The following SRGAP3 variants were observed in gnomAD, a reference collection of about 807,000 sequenced individuals.
SRGAP3 encodes SLIT-ROBO Rho GTPase activating protein 3.
SRGAP3 carries 39 observed loss-of-function variants against 121.1 expected under a neutral mutation model. The observed-to-expected ratio is 0.32, with a 90% CI of 0.25 to 0.42. The LOEUF (loss-of-function observed/expected upper bound fraction) is 0.42, where lower values mean the gene tolerates loss of function less well. Among genes scored for constraint, SRGAP3 ranks in the 10% least tolerant of loss-of-function variants. SRGAP3 has a pLI of 1.00. For missense variants in SRGAP3, 1,213 were observed against 1,470.6 expected, an observed-to-expected ratio of 0.82 and a Z score of 2.86; for synonymous variants, 601 against 570.0, an observed-to-expected ratio of 1.05 and a Z score of -0.77.
intron 1 of SRGAP3, among the ~76,000 whole-genome samples, chr3:9,137,756 G>C (rs1024247959): frequency 6.6e-6 from 1 of 152,208 alleles, no homozygotes; most frequent in Non-Finnish European, 1.5e-5. Flanking sequence ...GGGAGGGAGA[G>C]AGGGTTTTCC....
intron 1 of SRGAP3, chr3:9,348,415 G>A: frequency 1.7e-6 from 1 of 596,424 alleles, no homozygotes; most frequent in African/African-American, 1.8e-5. Flanking sequence ...GCGAACCCCA[G>A]TCAGCGTCGC....
intron 1 of SRGAP3, among the ~76,000 whole-genome samples, chr3:9,142,801 C>A (rs1259879415): frequency 7.3e-6 from 1 of 136,542 alleles, no homozygotes; most frequent in South Asian, 2.5e-4. Context: ...GAGCCTACTG[C>A]GTGTCAACCA....
At position 8,990,650 on chromosome 3, in the gene SRGAP3, C is replaced by T. The variant is rs201588113; in HGVS notation, c.2748G>A (p.Thr916=). 1.7e-5 allele frequency: 28 copies of T among 1,613,654 alleles called. No individual in the cohort carries two copies. Among genetic ancestry groups the T allele is most frequent in the Middle Eastern group, 3.3e-4 (2 of 6,060 alleles). ...AGTTGATGCTGCCAGCGCTCCCGAACGTCGCCATCCTCCGCTTCTCAGGGC... is the reference window on the plus strand; with the variant it reads ...AGTTGATGCTGCCAGCGCTCCCGAATGTCGCCATCCTCCGCTTCTCAGGGC... ...IESPEKRRMA[T]FGSAGSINYP... Residue 916 remains threonine (T), a synonymous_variant, in exon 21 of 22, where the codon ACG becomes ACA. Transcript: ENST00000383836.
chr3:9,002,221 A>T (rs935719886), intron 18 of SRGAP3, among the ~76,000 whole-genome samples: 12 of 152,218 alleles, frequency 7.9e-5, no homozygotes, highest in African/African-American at 2.9e-4. Context: ...TTCTTCTACC[A>T]CAGTAGGATA....
At chr3:9,016,860 C>A (rs1943664755) in intron 14 of SRGAP3, among the ~76,000 whole-genome samples, 1 of 152,186 alleles carries the variant, frequency 6.6e-6, no homozygotes, top group African/African-American at 2.4e-5. Context: ...CACTCTCACC[C>A]TTTATTAACA....
intron 1 of SRGAP3, among the ~76,000 whole-genome samples, chr3:9,208,265 C>G (rs984052103): frequency 2.6e-5 from 4 of 152,060 alleles, no homozygotes; most frequent in African/African-American, 7.2e-5. Flanking sequence ...AGCCAACCCC[C>G]CTACAGCATC....
rs1277401912 is a variant in SRGAP3 at position 9,306,309 on chromosome 3, A to T, written n.442+19701T>A. On this transcript the variant is annotated intron_variant and non_coding_transcript_variant, in intron 3 of 3. Transcript: ENST00000490889. The stretch of plus-strand genomic sequence containing the variant: ...TTTAAGTTCTTTGTAGACTCTGGAT[A>T]TTAGCCCTTTGTCAGATGGGTAGAT... Among the ~76,000 whole-genome samples the T allele has an allele frequency of 2.0e-5, 3 of 152,192 alleles. No individual in the cohort carries two copies. In the East Asian group the frequency reaches 5.8e-4, roughly 29 times the overall value.
At chr3:9,234,037 A>G (rs1032486276) in intron 1 of SRGAP3, among the ~76,000 whole-genome samples, 2 of 152,186 alleles carry the variant, frequency 1.3e-5, no homozygotes, top group Non-Finnish European at 2.9e-5. Flanking sequence ...TATTATGCCA[A>G]GTACGAGATC....
At chr3:9,105,153 C>T (rs1388719269) in intron 2 of SRGAP3, among the ~76,000 whole-genome samples, 1 of 152,210 alleles carries the variant, frequency 6.6e-6, no homozygotes, top group African/African-American at 2.4e-5. Flanking sequence ...CTAAGAAATA[C>T]TAAACCAATT....
chr3:9,132,834 A>T (rs1359144001), intron 1 of SRGAP3, among the ~76,000 whole-genome samples: 2 of 125,498 alleles, frequency 1.6e-5, no homozygotes, highest in African/African-American at 5.0e-5. Context: ...TACATTTTTA[A>T]ATAGGAAATA....
chr3:9,245,998 G>A (rs1045648153), intron 1 of SRGAP3, among the ~76,000 whole-genome samples: 62 of 152,300 alleles, frequency 4.1e-4, no homozygotes, highest in African/African-American at 1.4e-3. Flanking sequence ...TTGGGAGGTA[G>A]TGAGTTCCCC....
chr3:9,064,861 T>TAATAAATA lies in SRGAP3; in HGVS notation c.487-288_487-281dup, dbSNP rs58800068. ...TAGTAAAGAGGAAATTAAAAAATAA[T>TAATAAATA]AATAAATAAATAAATAAATAAATAA... is the stretch of plus-strand genomic sequence containing the variant. On this transcript the variant is annotated intron_variant, in intron 4 of 21. Coordinates refer to ENST00000383836, the MANE Select transcript of SRGAP3 (RefSeq NM_014850.4). Among the ~76,000 whole-genome samples, 1,334 of 149,838 alleles carry TAATAAATA rather than the reference T, an allele frequency of 8.9e-3. 15 individuals carry two copies. The highest frequency in any genetic ancestry group is 0.041 in the East Asian group (205 of 5,024).
intron 3 of SRGAP3, among the ~76,000 whole-genome samples, chr3:9,090,049 T>C (rs746091670): frequency 1.3e-5 from 2 of 152,110 alleles, no homozygotes; most frequent in African/African-American, 2.4e-5. Flanking sequence ...TTCATCAGTT[T>C]ACAGGATCCC....
intron 3 of SRGAP3, among the ~76,000 whole-genome samples, chr3:9,308,020 T>C (rs958296020): frequency 3.9e-5 from 6 of 152,182 alleles, no homozygotes; most frequent in African/African-American, 1.4e-4. Context: ...CTGGACGTGG[T>C]GGTGCATGCC....
At chr3:9,340,161 G>T (rs1376292825) in intron 1 of SRGAP3, among the ~76,000 whole-genome samples, 1 of 152,126 alleles carries the variant, frequency 6.6e-6, no homozygotes, top group African/African-American at 2.4e-5. Context: ...AGCACTTTCA[G>T]GTGATATTTC....
chr3:9,229,941 C>T (rs1953137397), intron 1 of SRGAP3, among the ~76,000 whole-genome samples: 1 of 152,102 alleles, frequency 6.6e-6, no homozygotes, highest in South Asian at 2.1e-4. Context: ...TCTATTCTGG[C>T]CTGAATGCTT....
intron 18 of SRGAP3, among the ~76,000 whole-genome samples, chr3:8,998,555 C>T (rs1165497680): frequency 6.6e-6 from 1 of 151,406 alleles, no homozygotes; most frequent in Non-Finnish European, 1.5e-5. Flanking sequence ...TATATATATA[C>T]TATATATATG....
intron 1 of SRGAP3, among the ~76,000 whole-genome samples, chr3:9,139,502 G>A (rs780642808): frequency 2.6e-5 from 4 of 152,232 alleles, no homozygotes; most frequent in Admixed American, 1.3e-4. Flanking sequence ...GCCAAGGAAT[G>A]CTGGTAGCCA....
At chr3:9,294,742 T>TGTGTGTGTGTGTGTGTGTG (rs1304568303) in intron 3 of SRGAP3, among the ~76,000 whole-genome samples, 4 of 50,930 alleles carry the variant, frequency 7.9e-5, no homozygotes, top group South Asian at 7.2e-4. Context: ...GTGTGTGTGT[T>TGTGTGTGTGTGTGTGTGTG]TGGGAGGGCA....
Sources: gnomAD v4.1 joint callset for allele counts (sites outside exome capture counted in the v4.1 genomes callset) on GRCh38, gnomAD v4.1.1 for gene constraint, MANE v1.5 for transcripts, NCBI Gene and HGNC (gene_info 2026-07-23, HGNC 2026-07-21) for gene names.